Variants in ECT2L observed in about 807,000 individuals in gnomAD.
ECT2L encodes epithelial cell transforming 2 like.
Under a neutral mutation model 122.8 loss-of-function variants are expected in ECT2L, and 126 were observed. The observed-to-expected ratio is 1.03, with a 90% CI of 0.89 to 1.19. The LOEUF is 1.19. Ranked by LOEUF, ECT2L falls within the 50% of genes most tolerant of loss-of-function variation. ECT2L has a pLI of 0.00. For missense variants in ECT2L, 1,012 were observed against 1,064.1 expected (o/e 0.95, Z 0.68); for synonymous variants, 385 against 381.8 (o/e 1.01, Z -0.10).
intron 20 of ECT2L, among the ~76,000 whole-genome samples, chr6:138,897,048 C>A (rs1779240972): frequency 2.0e-5 from 3 of 152,154 alleles, no homozygotes; most frequent in Non-Finnish European, 4.4e-5. Flanking sequence ...ACAACAATAA[C>A]AAAACACTTC....
At chr6:138,827,811 G>C (rs1216837157) in intron 4 of ECT2L, among the ~76,000 whole-genome samples, 1 of 152,156 alleles carries the variant, frequency 6.6e-6, no homozygotes, top group Non-Finnish European at 1.5e-5. Flanking sequence ...ACCAGCCTCG[G>C]ATTCCCAAAG....
intron 1 of ECT2L, among the ~76,000 whole-genome samples, chr6:138,808,096 G>A (rs1775771951): frequency 1.3e-5 from 2 of 151,508 alleles, no homozygotes; most frequent in Non-Finnish European, 2.9e-5. Flanking sequence ...GGGTTTTCAT[G>A]AGACTGTATT....
intron 6 of ECT2L, 121 bp from the exon 7 acceptor site, chr6:138,844,291 T>C (rs1777142844): frequency 8.5e-7 from 1 of 1,171,888 alleles, no homozygotes; most frequent in East Asian, 2.4e-5. Context: ...AAAATGGCTG[T>C]AATTATTGTC....
At chr6:138,839,417 T>C (rs924376784) in intron 5 of ECT2L, among the ~76,000 whole-genome samples, 1 of 151,684 alleles carries the variant, frequency 6.6e-6, no homozygotes, top group Admixed American at 6.6e-5. Flanking sequence ...CAGGCTGGAA[T>C]ACAGTGGTGT....
At chr6:138,822,355 ACCAG>A (rs1292292437) in intron 4 of ECT2L, among the ~76,000 whole-genome samples, 11 of 152,150 alleles carry the variant, frequency 7.2e-5, no homozygotes, top group African/African-American at 2.7e-4. Flanking sequence ...GGAGTTCAAG[ACCAG>A]CCTGGGCAAC....
chr6:138,830,659 T>C (rs1308144257), intron 4 of ECT2L, among the ~76,000 whole-genome samples: 1 of 152,150 alleles, frequency 6.6e-6, no homozygotes, highest in Non-Finnish European at 1.5e-5. Context: ...TATGAACAAG[T>C]ACTCACTCCT....
At position 138,888,452 on chromosome 6, in the gene ECT2L, C is replaced by T. The variant is rs141207438; in HGVS notation, c.2326-491C>T. 3.2e-3 allele frequency among the ~76,000 whole-genome samples: 481 copies of T among 149,092 alleles called. 7 individuals carry two copies. Among genetic ancestry groups the T allele is most frequent in the Admixed American group, 0.028 (406 of 14,670 alleles). ...CTGCCTCCCAAGTAGCTAGGACTACCGGCATGCACCACCACACCTGGCTAA... is the reference window on the plus strand; with the variant it reads ...CTGCCTCCCAAGTAGCTAGGACTACTGGCATGCACCACCACACCTGGCTAA... On this transcript the variant is annotated intron_variant, in intron 19 of 21. Coordinates refer to ENST00000541398, the MANE Select transcript of ECT2L (RefSeq NM_001077706.3).
chr6:138,851,195 G>GT (rs941649781), intron 9 of ECT2L, among the ~76,000 whole-genome samples: 1 of 151,644 alleles, frequency 6.6e-6, no homozygotes, highest in African/African-American at 2.4e-5. Context: ...TGTTTTGTTG[G>GT]TTTTTTTCTT....
chr6:138,825,786 T>G (rs1402651471), intron 4 of ECT2L, among the ~76,000 whole-genome samples: 1 of 152,240 alleles, frequency 6.6e-6, no homozygotes, highest in African/African-American at 2.4e-5. Context: ...TACCCATATC[T>G]AGTTTTGCTC....
In ECT2L at chr6:138,880,954, C is replaced by A; in HGVS notation, c.1666-3C>A. The A allele has an allele frequency of 6.2e-7, 1 of 1,613,004 alleles. No individual in the cohort carries two copies. Among genetic ancestry groups the A allele is most frequent in the Non-Finnish European group, 8.5e-7 (1 of 1,179,334 alleles). On this transcript the variant is annotated splice_polypyrimidine_tract_variant and splice_region_variant and intron_variant, in intron 14 of 21. Coordinates refer to ENST00000541398, the MANE Select transcript of ECT2L (RefSeq NM_001077706.3). ...GACTTGAGTTCTTAACACTTCTCTA[C>A]AGGAGAGAATACTCCAGAAGGACTC...
At chr6:138,874,504 A>G (rs1353712732) in intron 13 of ECT2L, among the ~76,000 whole-genome samples, 1 of 152,254 alleles carries the variant, frequency 6.6e-6, no homozygotes, top group Non-Finnish European at 1.5e-5. Context: ...AGAAAAAATT[A>G]TATTTAAAAA....
At chr6:138,859,419 A>G (rs1483290615) in intron 10 of ECT2L, among the ~76,000 whole-genome samples, 1 of 152,216 alleles carries the variant, frequency 6.6e-6, no homozygotes, top group Non-Finnish European at 1.5e-5. Flanking sequence ...TGGCAAGGTT[A>G]TATGTAGACG....
At chr6:138,797,561 C>T (rs1297987739) in intron 1 of ECT2L, among the ~76,000 whole-genome samples, 1 of 152,136 alleles carries the variant, frequency 6.6e-6, no homozygotes, top group African/African-American at 2.4e-5. Context: ...TCTGTGTGAT[C>T]CCAGTGAGGA....
Position 138,826,440 on chromosome 6 carries a change from C to T in ECT2L, c.179+11837C>T, listed in dbSNP as rs1448810205. Among the ~76,000 whole-genome samples, 8 of 152,182 alleles carry T rather than the reference C, an allele frequency of 5.3e-5. No homozygotes were observed. The South Asian group carries it at 8.3e-4, about 16-fold the overall frequency. On this transcript the variant is annotated intron_variant, in intron 4 of 21. Transcript: ENST00000541398. ...CGATGGCTCATACCTGAAATTCCAG[C>T]GCTTTGGGAGGCCGAGGCGGGAGGT...
chr6:138,819,445 C>T (rs1421402744), intron 4 of ECT2L, among the ~76,000 whole-genome samples: 1 of 152,070 alleles, frequency 6.6e-6, no homozygotes, highest in Non-Finnish European at 1.5e-5. Context: ...TACCGCTTGA[C>T]ACCACCTGAC....
intron 10 of ECT2L, among the ~76,000 whole-genome samples, chr6:138,859,223 C>T (rs990706586): frequency 1.3e-5 from 2 of 152,110 alleles, no homozygotes; most frequent in South Asian, 2.1e-4. Flanking sequence ...TTTACCCATC[C>T]GATCCATGTA....
Position 138,902,813 on chromosome 6 carries a change from A to G in ECT2L, c.*186A>G, listed in dbSNP as rs149116588. On this transcript the variant is annotated 3_prime_UTR_variant, in exon 22 of 22. Coordinates refer to ENST00000541398, the MANE Select transcript of ECT2L (RefSeq NM_001077706.3). ...ACTTGTGCTCACTTATGTAGAATGT[A>G]TAAGTACATTTTGAGTCCAAAATTT... The G allele has an allele frequency of 2.0e-3, 1,259 of 638,508 alleles. 18 individuals are homozygous for G. The African/African-American group carries it at 0.021, about 11-fold the overall frequency. 39.6% of individuals were successfully genotyped at this position (638,508 alleles called of 1,614,324 possible).
intron 4 of ECT2L, among the ~76,000 whole-genome samples, chr6:138,830,730 C>G (rs1776622765): frequency 6.6e-6 from 1 of 152,188 alleles, no homozygotes; most frequent in African/African-American, 2.4e-5. Context: ...CCTCCTACCT[C>G]TCGGTCCTGT....
chr6:138,842,641 G>C (rs1052475852), intron 5 of ECT2L, among the ~76,000 whole-genome samples: 1 of 150,468 alleles, frequency 6.6e-6, no homozygotes, highest in East Asian at 2.0e-4. Context: ...GCGTGGTGGC[G>C]GGTGCCTGTA....
Sources: gnomAD v4.1 joint callset for allele counts (sites outside exome capture counted in the v4.1 genomes callset) on GRCh38, gnomAD v4.1.1 for gene constraint, MANE v1.5 for transcripts, NCBI Gene and HGNC (gene_info 2026-07-23, HGNC 2026-07-21) for gene names.